SLC7A2: variants seen among roughly 807,000 people sequenced by gnomAD.
SLC7A2 encodes the protein solute carrier family 7 member 2.
SLC7A2 carries 48 observed loss-of-function variants against 58.9 expected under a neutral mutation model. The observed-to-expected ratio is 0.82, with a 90% CI of 0.65 to 1.04. SLC7A2 has a LOEUF of 1.04. SLC7A2 is among the 50% of genes least tolerant of loss of function. The pLI, the probability that SLC7A2 is intolerant of heterozygous loss-of-function variation, is 0.00. For synonymous variants in SLC7A2, 363 were observed against 314.5 expected, an observed-to-expected ratio of 1.15 and a Z score of -1.63; for missense variants, 1,029 against 818.8, an observed-to-expected ratio of 1.26 and a Z score of -3.13.
chr8:17,553,640 C>T (rs1035607597), intron 7 of SLC7A2, among the ~76,000 whole-genome samples: 2 of 152,132 alleles, frequency 1.3e-5, no homozygotes, highest in African/African-American at 4.8e-5. Flanking sequence ...AGCATGGTGG[C>T]ATGCGCCTTT....
chr8:17,552,218 A>G (rs1802488330), intron 7 of SLC7A2, among the ~76,000 whole-genome samples: 1 of 152,162 alleles, frequency 6.6e-6, no homozygotes, highest in Non-Finnish European at 1.5e-5. Context: ...AGGCTTCAGT[A>G]GAAATACATA....
Position 17,568,800 on chromosome 8 carries a change from C to CA in SLC7A2, c.*3662dup, listed in dbSNP as rs1008247055. On this transcript the variant is annotated 3_prime_UTR_variant, in exon 13 of 13. Transcript: ENST00000494857. ...GTAGCATAGCAAGACCCTGTCTCTA[C>CA]AAAAAAAACAAAAATTAGCTGGGCA... is the stretch of plus-strand genomic sequence containing the variant. 8.1e-5 allele frequency: 12 copies of CA among 148,884 alleles called. No individual in the cohort carries two copies. The highest frequency in any genetic ancestry group is 2.0e-4 in the East Asian group (1 of 5,072). 9.2% of individuals were successfully genotyped at this position (148,884 alleles called of 1,614,324 possible).
At chr8:17,500,055 G>A (rs577144419) in intron 1 of SLC7A2, 51 of 152,166 alleles carry the variant, frequency 3.4e-4, no homozygotes, top group Admixed American at 1.2e-3. Flanking sequence ...CTGTACACTG[G>A]AAAATCAAAA....
chr8:17,507,937 A>G (rs1800440196), intron 2 of SLC7A2, among the ~76,000 whole-genome samples: 1 of 152,166 alleles, frequency 6.6e-6, no homozygotes, highest in African/African-American at 2.4e-5. Context: ...TATGATATGA[A>G]CAAGTTTATT....
At chr8:17,524,846 G>C (rs1251443636) in intron 2 of SLC7A2, among the ~76,000 whole-genome samples, 2 of 151,862 alleles carry the variant, frequency 1.3e-5, no homozygotes, top group East Asian at 3.9e-4. Context: ...TACAGAGCCA[G>C]TGTGCAATCA....
chr8:17,522,295 G>A (rs1441362401), intron 2 of SLC7A2, among the ~76,000 whole-genome samples: 1 of 152,042 alleles, frequency 6.6e-6, no homozygotes, highest in East Asian at 1.9e-4. Context: ...AGAACAGTGT[G>A]GGGGAAACTA....
rs781351255 is a variant in SLC7A2 at position 17,544,519 on chromosome 8, T to G, written c.445T>G (p.Phe149Val). Residue 149 changes from phenylalanine (F) to valine (V), a missense_variant, in exon 4 of 13, where the codon TTT (phenylalanine) becomes GTT (valine). By Grantham distance (50) the Phe-to-Val change is conservative. Transcript: ENST00000494857. ...DELLSKQIGQFLRTYFRMNYT... is the reference protein window; with the variant it reads ...DELLSKQIGQVLRTYFRMNYT... ...ACTTCTTAGCAAACAGATTGGTCAG[T>G]TTTTGAGGACATACTTCAGAATGAA... The G allele has an allele frequency of 2.5e-6, 4 of 1,614,018 alleles. No individual in the cohort carries two copies. In the East Asian group the frequency reaches 8.9e-5, roughly 36 times the overall value.
At position 17,568,973 on chromosome 8, in the gene SLC7A2, A is replaced by C. The variant is rs1254757228; in HGVS notation, c.*3827A>C. ...TGAGACCCTGCCTCAAAAAAAATAA[A>C]AATAAAAATAAAACACTTTAATTAG... On this transcript the variant is annotated 3_prime_UTR_variant, in exon 13 of 13. Transcript: ENST00000494857. 2 of 152,152 alleles carry C rather than the reference A, an allele frequency of 1.3e-5. No individual in the cohort carries two copies. The highest frequency in any genetic ancestry group is 2.9e-5 in the Non-Finnish European group (2 of 68,040). The allele number at this position is 152,152 out of a possible 1,614,324, so 9.4% of individuals were successfully genotyped here.
In SLC7A2 at chr8:17,505,501, T is replaced by C. The variant is rs999481936; in HGVS notation, c.-23+3199T>C. ...TCAACTAGTGCCATGGTGGATGCTG[T>C]TCCCTGGCCTCAAGGGTATACTTGA... On this transcript the variant is annotated intron_variant, in intron 2 of 12. Coordinates refer to ENST00000494857, the MANE Select transcript of SLC7A2 (RefSeq NM_001370338.1). Among the ~76,000 whole-genome samples, 9 of 152,276 alleles carry C rather than the reference T, an allele frequency of 5.9e-5. No homozygotes were observed. In the South Asian group the frequency reaches 1.9e-3, roughly 32 times the overall value.
intron 2 of SLC7A2, among the ~76,000 whole-genome samples, chr8:17,530,408 G>T (rs1227031612): frequency 6.6e-6 from 1 of 152,076 alleles, no homozygotes; most frequent in Non-Finnish European, 1.5e-5. Flanking sequence ...ATGTGCTAAG[G>T]GTAGTAGGAG....
chr8:17,535,122 C>T lies in SLC7A2; in HGVS notation c.-22-8196C>T, dbSNP rs578158471. ...CTGGCTTAAAGTTCTCAGTGATTTC[C>T]TATTGCCACCAGGGTCAAGTTCAAG... is the stretch of plus-strand genomic sequence containing the variant. On this transcript the variant is annotated intron_variant, in intron 2 of 12. Coordinates refer to ENST00000494857, the MANE Select transcript of SLC7A2 (RefSeq NM_001370338.1). 2.6e-5 allele frequency among the ~76,000 whole-genome samples: 4 copies of T among 152,212 alleles called. No individual in the cohort carries two copies. In the South Asian group the frequency reaches 8.3e-4, roughly 32 times the overall value.
intron 2 of SLC7A2, among the ~76,000 whole-genome samples, chr8:17,524,391 G>C (rs1472400547): frequency 1.4e-5 from 2 of 148,008 alleles, no homozygotes; most frequent in Non-Finnish European, 3.0e-5. Flanking sequence ...GAAAGAAAAT[G>C]TGAGATATAC....
At chr8:17,516,922 T>G (rs919928019) in intron 2 of SLC7A2, among the ~76,000 whole-genome samples, 9 of 152,312 alleles carry the variant, frequency 5.9e-5, no homozygotes, top group South Asian at 4.1e-4. Context: ...CCTGTCTTCA[T>G]GCATGGTACA....
chr8:17,497,489 G>A (rs1260694978), intron 1 of SLC7A2, among the ~76,000 whole-genome samples: 1 of 152,202 alleles, frequency 6.6e-6, no homozygotes, highest in African/African-American at 2.4e-5. Context: ...GCTGCGCCCC[G>A]GAATGCGCCT....
chr8:17,563,391 G>A (rs188052892), intron 11 of SLC7A2, among the ~76,000 whole-genome samples: 14 of 152,236 alleles, frequency 9.2e-5, no homozygotes, highest in Admixed American at 9.2e-4. Context: ...TTGTGCAGGT[G>A]TTACTGAATC....
Position 17,543,559 on chromosome 8 carries a change from A to G in SLC7A2, c.220A>G (p.Ile74Val). Residue 74 changes from isoleucine to valine, a missense_variant, in exon 3 of 13, where the codon ATT (isoleucine) becomes GTT (valine). Physicochemically the swap from Ile to Val is conservative, Grantham distance 29 (BLOSUM62 3). Transcript: ENST00000494857. The part of the protein sequence containing the change: ...SGPSIVVSFL[I>V]AALASVMAGL... ...CCCCAGCATCGTGGTGTCCTTCCTC[A>G]TTGCTGCCCTGGCTTCAGTGATGGC... The G allele has an allele frequency of 6.2e-7, 1 of 1,611,688 alleles. No homozygotes were observed. The highest frequency in any genetic ancestry group is 1.7e-5 in the Admixed American group (1 of 59,782).
intron 2 of SLC7A2, among the ~76,000 whole-genome samples, chr8:17,526,763 T>C (rs531428685): frequency 6.6e-6 from 1 of 152,298 alleles, no homozygotes; most frequent in African/African-American, 2.4e-5. Context: ...GAGAAGTAGC[T>C]GATCTCCAGA....
intron 2 of SLC7A2, among the ~76,000 whole-genome samples, chr8:17,531,120 T>A (rs2150711775): frequency 6.6e-6 from 1 of 152,272 alleles, no homozygotes; most frequent in Non-Finnish European, 1.5e-5. Context: ...ATGGTGTAAT[T>A]CAGAGCCTAA....
intron 8 of SLC7A2, among the ~76,000 whole-genome samples, chr8:17,557,822 G>A (rs1300965561): frequency 6.8e-6 from 1 of 147,694 alleles, no homozygotes; most frequent in Admixed American, 6.7e-5. Flanking sequence ...AGTGAGCCCT[G>A]TCTCAAAAAA....
Sources: gnomAD v4.1 joint callset for allele counts (sites outside exome capture counted in the v4.1 genomes callset) on GRCh38, gnomAD v4.1.1 for gene constraint, MANE v1.5 for transcripts, NCBI Gene and HGNC (gene_info 2026-07-23, HGNC 2026-07-21) for gene names.